The following STK10 variants were observed in gnomAD, a reference collection of about 807,000 sequenced individuals.
STK10 encodes serine/threonine-protein kinase 10.
A neutral mutation model predicts 113.8 loss-of-function variants in STK10; 78 were observed. The observed-to-expected ratio is 0.69, with a 90% CI of 0.57 to 0.83. STK10 has a LOEUF of 0.83. STK10 is among the 40% of genes least tolerant of loss of function. The pLI, the probability that STK10 is intolerant of heterozygous loss-of-function variation, is 0.00. For synonymous variants in STK10, 465 were observed against 494.7 expected (o/e 0.94, Z 0.80); for missense variants, 1,109 against 1,280.1 (o/e 0.87, Z 2.04).
chr5:172,047,899 GTTTT>G (rs11438537), intron 18 of STK10, among the ~76,000 whole-genome samples: 2 of 109,790 alleles, frequency 1.8e-5, no homozygotes, highest in East Asian at 2.6e-4. Flanking sequence ...TGTTTTTTGG[GTTTT>G]TTTTTTTTTT....
At chr5:172,134,980 A>G (rs1407053135) in intron 2 of STK10, among the ~76,000 whole-genome samples, 3 of 152,116 alleles carry the variant, frequency 2.0e-5, no homozygotes, top group African/African-American at 4.8e-5. Flanking sequence ...TGCAAATCAT[A>G]TATCTGATAA....
At chr5:172,181,802 CT>C (rs1223454454) in intron 1 of STK10, among the ~76,000 whole-genome samples, 1 of 151,686 alleles carries the variant, frequency 6.6e-6, no homozygotes, top group East Asian at 1.9e-4. Context: ...CAGAGCAAGA[CT>C]CTGTCTAAAA....
At chr5:172,155,926 C>T (rs1217514764) in intron 2 of STK10, among the ~76,000 whole-genome samples, 4 of 151,304 alleles carry the variant, frequency 2.6e-5, no homozygotes, top group Non-Finnish European at 4.4e-5. Flanking sequence ...AGCCGGGAGG[C>T]GGAGGGTGTA....
chr5:172,090,976 T>C (rs1768690210), intron 9 of STK10, among the ~76,000 whole-genome samples: 1 of 139,130 alleles, frequency 7.2e-6, no homozygotes, highest in Non-Finnish European at 1.5e-5. Flanking sequence ...AGCTGCGTTC[T>C]AACCCTCACT....
intron 18 of STK10, among the ~76,000 whole-genome samples, chr5:172,048,640 C>T (rs1233569617): frequency 2.6e-5 from 4 of 151,820 alleles, no homozygotes; most frequent in African/African-American, 9.7e-5. Flanking sequence ...CCACCCTAGT[C>T]CAAGCTGCCA....
intron 12 of STK10, among the ~76,000 whole-genome samples, chr5:172,065,906 C>A (rs562774779): frequency 6.6e-6 from 1 of 152,306 alleles, no homozygotes; most frequent in Non-Finnish European, 1.5e-5. Flanking sequence ...TGGTCAGACG[C>A]CAGCAAGTGT....
rs184968786 is a variant in STK10, at chr5:172,153,896, G to A, written c.321+2728C>T. ...ACTCCTATGCATTCTGCAAGACCCC[G>A]TTCAAATGTCCCTTCCTCTGAAGCC... On this transcript the variant is annotated intron_variant, in intron 2 of 18. Coordinates refer to ENST00000176763, the MANE Select transcript of STK10 (RefSeq NM_005990.4). Among the ~76,000 whole-genome samples, 12 of 152,268 alleles carry A rather than the reference G, an allele frequency of 7.9e-5. No homozygotes were observed. In the East Asian group the frequency reaches 2.3e-3, roughly 29 times the overall value.
At chr5:172,049,030 A>T (rs1767567299) in intron 18 of STK10, among the ~76,000 whole-genome samples, 1 of 151,922 alleles carries the variant, frequency 6.6e-6, no homozygotes, top group South Asian at 2.1e-4. Flanking sequence ...CTCAGATGTC[A>T]TCTTCTTAGA....
At chr5:172,075,697 T>G (rs1768291391) in intron 12 of STK10, among the ~76,000 whole-genome samples, 1 of 151,864 alleles carries the variant, frequency 6.6e-6, no homozygotes, top group Non-Finnish European at 1.5e-5. Context: ...AATAAATAAA[T>G]AAAATAAAAT....
chr5:172,055,981 G>A (rs983416196), intron 15 of STK10, among the ~76,000 whole-genome samples: 1 of 152,090 alleles, frequency 6.6e-6, no homozygotes, highest in Non-Finnish European at 1.5e-5. Context: ...ATAATATCTT[G>A]GATTCTTACC....
intron 18 of STK10, among the ~76,000 whole-genome samples, chr5:172,048,675 A>G (rs1581128519): frequency 6.6e-6 from 1 of 152,034 alleles, no homozygotes; most frequent in African/African-American, 2.4e-5. Flanking sequence ...GGCTATCACA[A>G]TGGTTTCCTG....
intron 10 of STK10, among the ~76,000 whole-genome samples, chr5:172,089,893 T>TTGGA (rs1768657531): frequency 6.9e-6 from 1 of 145,540 alleles, no homozygotes; most frequent in African/African-American, 2.6e-5. Context: ...GGGTGGACAG[T>TTGGA]TGGATGGATG....
At chr5:172,136,861 A>G (rs943445962) in intron 2 of STK10, among the ~76,000 whole-genome samples, 2 of 151,514 alleles carry the variant, frequency 1.3e-5, no homozygotes, top group African/African-American at 4.9e-5. Flanking sequence ...GTTCTGGGAT[A>G]CACGTGCAGA....
intron 1 of STK10, among the ~76,000 whole-genome samples, chr5:172,185,458 A>G (rs942775487): frequency 2.6e-5 from 4 of 152,042 alleles, no homozygotes; most frequent in African/African-American, 7.3e-5. Context: ...TAGTAGAGAC[A>G]GGGTTTCACC....
At chr5:172,157,590 AT>A (rs1447297004) in intron 1 of STK10, among the ~76,000 whole-genome samples, 1 of 151,862 alleles carries the variant, frequency 6.6e-6, no homozygotes, top group Non-Finnish European at 1.5e-5. Context: ...CTGTTTAAAA[AT>A]TTTTTTTGTT....
intron 9 of STK10, among the ~76,000 whole-genome samples, chr5:172,090,935 TA>T (rs547251159): frequency 0.089 from 4,123 of 46,090 alleles, 65 homozygotes; most frequent in African/African-American, 0.15. Flanking sequence ...ACTCCGTCTC[TA>T]AAAAAAAAAA....
At chr5:172,137,575 C>T (rs1276290721) in intron 2 of STK10, among the ~76,000 whole-genome samples, 2 of 152,010 alleles carry the variant, frequency 1.3e-5, no homozygotes, top group Admixed American at 6.6e-5. Flanking sequence ...ATATAAAGGT[C>T]ATATATTAAA....
In STK10 at chr5:172,043,564, T is replaced by C. The variant is rs889177243; in HGVS notation, c.*1318A>G. 1 of 152,196 alleles carries C rather than the reference T, an allele frequency of 6.6e-6. No homozygotes were observed. The highest frequency in any genetic ancestry group is 2.4e-5 in the African/African-American group (1 of 41,460). The allele number at this position is 152,196 out of a possible 1,614,324, so 9.4% of individuals were successfully genotyped here. ...ACCATACATTTTATAGTTGTTTCAA[T>C]AAAATAATTAGAAATCAGGGTGAAA... On this transcript the variant is annotated 3_prime_UTR_variant, in exon 19 of 19. Transcript: ENST00000176763.
At chr5:172,091,887 C>A (rs770405635) in intron 9 of STK10, among the ~76,000 whole-genome samples, 1 of 152,186 alleles carries the variant, frequency 6.6e-6, no homozygotes, top group East Asian at 1.9e-4. Context: ...GGCCTCCCAG[C>A]CCCTGAAAGA....
Sources: allele counts gnomAD v4.1 joint callset (sites outside exome capture counted in the v4.1 genomes callset), GRCh38; gene constraint gnomAD v4.1.1; transcripts MANE v1.5; gene names NCBI Gene and HGNC (gene_info 2026-07-23, HGNC 2026-07-21).